Variants in FSD2 observed in about 807,000 individuals in gnomAD.
FSD2 encodes fibronectin type III and SPRY domain-containing protein 2.
A neutral mutation model predicts 80.4 loss-of-function variants in FSD2; 71 were observed. That is an observed-to-expected ratio of 0.88 (90% CI 0.73 to 1.08). FSD2 has a LOEUF of 1.08. Ranked by LOEUF, FSD2 falls within the 50% of genes least tolerant of loss-of-function variation. The pLI, the probability that FSD2 is intolerant of heterozygous loss-of-function variation, is 0.00. For missense variants in FSD2, 923 were observed against 913.8 expected (o/e 1.01, Z -0.13); for synonymous variants, 361 against 329.5 (o/e 1.10, Z -1.03).
Position 82,758,405 on chromosome 15 carries a change from G to C in FSD2, c.*943C>G, listed in dbSNP as rs1321464385. 3 of 152,698 alleles carry C rather than the reference G, an allele frequency of 2.0e-5. No homozygotes were observed. The highest frequency in any genetic ancestry group is 4.4e-5 in the Non-Finnish European group (3 of 68,048). 9.5% of individuals were successfully genotyped at this position (152,698 alleles called of 1,614,324 possible). A position where few individuals can be genotyped will look rare whatever the true frequency, so the allele number is the denominator to read the frequency against. On this transcript the variant is annotated 3_prime_UTR_variant, in exon 13 of 13. Coordinates refer to ENST00000334574, the MANE Select transcript of FSD2 (RefSeq NM_001007122.4). ...AGGATGCCTGAAAGCTGCCTAGCTA[G>C]AGATCAGTCTTCCTTCCCGTGCTCA...
chr15:82,795,799 C>T (rs141176966), intron 1 of FSD2, among the ~76,000 whole-genome samples: 1,975 of 151,336 alleles, frequency 0.013, 19 homozygotes, highest in Non-Finnish European at 0.019. Flanking sequence ...ACTCCTTCAC[C>T]TCAGCCTGGG....
chr15:82,797,727 G>A (rs994760948), intron 1 of FSD2, among the ~76,000 whole-genome samples: 42 of 152,134 alleles, frequency 2.8e-4, no homozygotes, highest in African/African-American at 9.6e-4. Context: ...GGAGAATGGC[G>A]TGAACCTGGG....
chr15:82,760,971 T>TA (rs936532998), intron 12 of FSD2, among the ~76,000 whole-genome samples: 117 of 152,358 alleles, frequency 7.7e-4, no homozygotes, highest in African/African-American at 2.7e-3. Flanking sequence ...ACTTTGCTCT[T>TA]TAGTCTTACT....
intron 3 of FSD2, among the ~76,000 whole-genome samples, chr15:82,784,794 C>T: frequency 6.6e-6 from 1 of 152,134 alleles, no homozygotes; most frequent in Non-Finnish European, 1.5e-5. Flanking sequence ...AGTAGAGCAT[C>T]CGCATGAAGA....
intron 1 of FSD2, among the ~76,000 whole-genome samples, chr15:82,801,691 C>T (rs1351468398): frequency 1.3e-5 from 2 of 152,172 alleles, no homozygotes; most frequent in Non-Finnish European, 2.9e-5. Context: ...AACCTTACTC[C>T]TGAGACTCTA....
intron 5 of FSD2, among the ~76,000 whole-genome samples, chr15:82,779,917 T>C (rs554208868): frequency 5.3e-5 from 8 of 152,238 alleles, no homozygotes; most frequent in African/African-American, 1.9e-4. Context: ...CTGGACAGTC[T>C]GGGTCCAGGC....
intron 6 of FSD2, 111 bp downstream of exon 6, chr15:82,778,655 A>C: frequency 8.2e-7 from 1 of 1,218,200 alleles, no homozygotes; most frequent in Non-Finnish European, 1.1e-6. Flanking sequence ...TGTATTGTAC[A>C]CTTTAAAATT....
In FSD2 at chr15:82,759,952, C is replaced by A. The variant is rs2049252923; in HGVS notation, c.1998-352G>T. Among the ~76,000 whole-genome samples, 5 of 147,756 alleles carry A rather than the reference C, an allele frequency of 3.4e-5. No individual in the cohort carries two copies. The South Asian group carries it at 1.2e-3, about 36-fold the overall frequency. ...GGGATTACAGGCGTGCACCACCAAG[C>A]CCGGCTAATTTTTGTATTTTTAGTA... On this transcript the variant is annotated intron_variant, in intron 12 of 12. Transcript: ENST00000334574.
chr15:82,777,441 A>G (rs1006573566), intron 6 of FSD2, among the ~76,000 whole-genome samples: 1 of 152,220 alleles, frequency 6.6e-6, no homozygotes, highest in Non-Finnish European at 1.5e-5. Context: ...GAAGACATAT[A>G]AATAGCCACC....
At chr15:82,784,282 C>T (rs1184663649) in intron 3 of FSD2, among the ~76,000 whole-genome samples, 1 of 151,212 alleles carries the variant, frequency 6.6e-6, no homozygotes, top group Admixed American at 6.6e-5. Flanking sequence ...CCTCATTTTG[C>T]CACCCAGGTT....
Position 82,756,592 on chromosome 15 carries a change from A to G in FSD2, c.*2756T>C, listed in dbSNP as rs1041933940. 1.3e-5 allele frequency: 2 copies of G among 152,262 alleles called. No homozygotes were observed. Among genetic ancestry groups the G allele is most frequent in the Admixed American group, 6.5e-5 (1 of 15,288 alleles). The allele number at this position is 152,262 out of a possible 1,614,324, so 9.4% of individuals were successfully genotyped here. A position where few individuals can be genotyped will look rare whatever the true frequency, so the allele number is the denominator to read the frequency against. On this transcript the variant is annotated 3_prime_UTR_variant, in exon 13 of 13. Transcript: ENST00000334574. ...GAAATCAGTGTCATTTTAGATTGCA[A>G]GTCTCAAACCAACTTTCCAATTCTG...
At position 82,755,968 on chromosome 15, in the gene FSD2, C is replaced by A; in HGVS notation, c.*3380G>T. 1.9e-6 allele frequency: 1 copy of A among 516,068 alleles called. No homozygotes were observed. Among genetic ancestry groups the A allele is most frequent in the Non-Finnish European group, 3.9e-6 (1 of 258,394 alleles). 32.0% of individuals were successfully genotyped at this position (516,068 alleles called of 1,614,324 possible). ...TTCTGGAGACTAAGAAAATAGAGTCCTTGAAATCAAGCTGACTCTGCTTTT... is the reference window on the plus strand; with the variant it reads ...TTCTGGAGACTAAGAAAATAGAGTCATTGAAATCAAGCTGACTCTGCTTTT... On this transcript the variant is annotated 3_prime_UTR_variant, in exon 13 of 13. Transcript: ENST00000334574.
chr15:82,788,027 A>G (rs1019316133), intron 1 of FSD2, among the ~76,000 whole-genome samples: 3 of 152,042 alleles, frequency 2.0e-5, no homozygotes, highest in African/African-American at 7.2e-5. Flanking sequence ...CAGCCTCCCA[A>G]AGTGCTGGAA....
At chr15:82,782,065 AAATAATAATAATAAT>A (rs71455428) in intron 4 of FSD2, among the ~76,000 whole-genome samples, 5 of 107,024 alleles carry the variant, frequency 4.7e-5, no homozygotes, top group Non-Finnish European at 7.2e-5. Context: ...CTCCATCTCA[AAATAATAATAATAAT>A]AATAATAATA....
intron 7 of FSD2, among the ~76,000 whole-genome samples, chr15:82,770,532 G>A (rs540308300): frequency 3.9e-5 from 6 of 152,260 alleles, no homozygotes; most frequent in East Asian, 1.9e-4. Context: ...TTAGCTGGGC[G>A]TGGTGGCATT....
rs759648277 is a variant in FSD2 at position 82,787,210 on chromosome 15, C to A, written c.181G>T (p.Gly61Cys). The A allele has an allele frequency of 9.9e-6, 16 of 1,613,820 alleles. No individual in the cohort carries two copies. Among genetic ancestry groups the A allele is most frequent in the Non-Finnish European group, 1.4e-5 (16 of 1,179,898 alleles). The change falls in exon 2 of 13, where the codon GGT (glycine) becomes TGT (cysteine). Residue 61 changes from glycine to cysteine, a missense_variant. Physicochemically the swap from Gly to Cys is radical, Grantham distance 159. Coordinates refer to ENST00000334574, the MANE Select transcript of FSD2 (RefSeq NM_001007122.4). ...MANESRGAGD[G>C]KAQRDLQEEV... is the part of the protein sequence containing the mutation. Reference sequence around the variant, plus strand: ...TCTTGAAGGTCTCTTTGAGCCTTACCATCCCCTGCTCCTCTTGACTCATTG... The same window carrying A: ...TCTTGAAGGTCTCTTTGAGCCTTACAATCCCCTGCTCCTCTTGACTCATTG...
At chr15:82,763,825 T>C (rs755586769) in intron 11 of FSD2, among the ~76,000 whole-genome samples, 1 of 152,202 alleles carries the variant, frequency 6.6e-6, no homozygotes, top group Non-Finnish European at 1.5e-5. Context: ...TCCTAACTTT[T>C]TGTGTGTATA....
In FSD2 at chr15:82,756,345, G is replaced by A. The variant is rs1203146608; in HGVS notation, c.*3003C>T. 1 of 160,836 alleles carries A rather than the reference G, an allele frequency of 6.2e-6. No homozygotes were observed. Among genetic ancestry groups the A allele is most frequent in the African/African-American group, 2.4e-5 (1 of 41,758 alleles). 10.0% of individuals were successfully genotyped at this position (160,836 alleles called of 1,614,324 possible). On this transcript the variant is annotated 3_prime_UTR_variant, in exon 13 of 13. Coordinates refer to ENST00000334574, the MANE Select transcript of FSD2 (RefSeq NM_001007122.4). ...TTGTGCTGTGGACAGCTTCCAGTGT[G>A]TGAGTTGTGGAAGATGATGATTTTA... is the stretch of plus-strand genomic sequence containing the variant.
intron 12 of FSD2, 85 bp downstream of exon 12, chr15:82,762,017 G>A: frequency 8.9e-7 from 1 of 1,124,902 alleles, no homozygotes; most frequent in Non-Finnish European, 1.2e-6. Context: ...AATATAACGT[G>A]TGTCTTAATT....
Sources: gnomAD v4.1 joint callset for allele counts (sites outside exome capture counted in the v4.1 genomes callset) on GRCh38, gnomAD v4.1.1 for gene constraint, MANE v1.5 for transcripts, NCBI Gene and HGNC (gene_info 2026-07-23, HGNC 2026-07-21) for gene names.